The following AP5Z1 variants were observed in gnomAD, a reference collection of about 807,000 sequenced individuals.
AP5Z1 encodes AP-5 complex subunit zeta-1.
A neutral mutation model predicts 83.0 loss-of-function variants in AP5Z1; 106 were observed. The ratio of observed to expected loss-of-function variants is 1.28; its 90% CI spans 1.09 to 1.50. The LOEUF (loss-of-function observed/expected upper bound fraction) is 1.50. Ranked by LOEUF, AP5Z1 falls within the 40% of genes most tolerant of loss-of-function variation. AP5Z1 has a pLI of 0.00. For synonymous variants in AP5Z1, 751 were observed against 514.1 expected (o/e 1.46, Z -6.23); for missense variants, 1,565 against 1,094.2 (o/e 1.43, Z -6.07).
rs757374186 is a variant in AP5Z1, at chr7:4,788,173, G to A, written c.1474G>A (p.Glu492Lys). The A allele has an allele frequency of 1.3e-5, 21 of 1,555,724 alleles. No individual in the cohort carries two copies. Among genetic ancestry groups the A allele is most frequent in the Middle Eastern group, 2.1e-4 (1 of 4,652 alleles). Reference sequence around the variant, plus strand: ...ACGCAGGTCAGCACCGGCTGCATCCGAGAGGCCACTCTGGGACACCTCTCT... The same window carrying A: ...ACGCAGGTCAGCACCGGCTGCATCCAAGAGGCCACTCTGGGACACCTCTCT... ...LQLRSAPAAS[E>K]RPLWDTSLRA... The change falls in exon 12 of 17, where the codon GAG (glutamate) becomes AAG (lysine). Residue 492 changes from glutamate (E) to lysine (K), a missense_variant. Coordinates refer to ENST00000649063, the MANE Select transcript of AP5Z1 (RefSeq NM_014855.3).
rs554060393 is a variant in AP5Z1 at position 4,784,955 on chromosome 7, A to G, written c.838A>G (p.Thr280Ala). ...EGSTLSVISA[T>A]SSAGRLLPPR... ...CTCCACTCTGTCGGTGATCTCCGCC[A>G]CCTCCTCTGCCGGCCGCCTGCTGCC... Residue 280 changes from threonine to alanine, a missense_variant, in exon 7 of 17, where the codon ACC becomes GCC. By Grantham distance (58) the Thr-to-Ala change is moderately conservative (BLOSUM62 0). Coordinates refer to ENST00000649063, the MANE Select transcript of AP5Z1 (RefSeq NM_014855.3). The G allele has an allele frequency of 8.9e-5, 143 of 1,611,652 alleles. No homozygotes were observed. The Admixed American group carries it at 1.1e-3, about 13-fold the overall frequency.
chr7:4,792,359 C>G lies in AP5Z1; in HGVS notation c.*974C>G, dbSNP rs2115134458. The G allele has an allele frequency of 6.7e-6, 1 of 149,708 alleles. No homozygotes were observed. Among genetic ancestry groups the G allele is most frequent in the South Asian group, 2.1e-4 (1 of 4,712 alleles). 9.3% of individuals were successfully genotyped at this position (149,708 alleles called of 1,614,324 possible). ...GGTCTCCTCTTTTGCTCTGGCCCCG[C>G]CCACCTCCCCTCCGGCCTCGGCCCC... On this transcript the variant is annotated 3_prime_UTR_variant, in exon 17 of 17. Transcript: ENST00000649063.
In AP5Z1 at chr7:4,787,315, A is replaced by C. The variant is rs115756912; in HGVS notation, c.1312-319A>C. ...AGACCAGCCTGGGCAACACAGGGAG[A>C]CCTCTTGTCTACAAAAAGTAAACAG... On this transcript the variant is annotated intron_variant, in intron 10 of 16. Coordinates refer to ENST00000649063, the MANE Select transcript of AP5Z1 (RefSeq NM_014855.3). 0.023 allele frequency among the ~76,000 whole-genome samples: 3,506 copies of C among 151,802 alleles called. 137 individuals carry two copies. Among genetic ancestry groups the C allele is most frequent in the African/African-American group, 0.08 (3,307 of 41,384 alleles).
intron 11 of AP5Z1, 105 bp downstream of exon 11, chr7:4,787,881 C>CG (rs1781603421): frequency 7.3e-7 from 1 of 1,363,756 alleles, no homozygotes; most frequent in Non-Finnish European, 9.8e-7. Flanking sequence ...GACCCTCCTT[C>CG]TTCCCCCCCC....
At chr7:4,781,832 C>T (rs1404387051) in intron 3 of AP5Z1, 78 bp downstream of exon 3, 1 of 1,423,670 alleles carries the variant, frequency 7.0e-7, no homozygotes. Flanking sequence ...AGCAGGGGCG[C>T]CAGAGCCGGC....
chr7:4,790,793 TCTG>T lies in AP5Z1; in HGVS notation c.2064_2066del (p.Ala689del). 6.2e-7 allele frequency: 1 copy of T among 1,609,244 alleles called. No homozygotes were observed. The highest frequency in any genetic ancestry group is 1.1e-5 in the South Asian group (1 of 90,192). On this transcript the variant is annotated inframe_deletion, in exon 16 of 17. Transcript: ENST00000649063. The stretch of plus-strand genomic sequence containing the variant: ...ATTCGAGGTCACCCAGTGCCGCCCC[TCTG>T]CTGCCCTGCCCAGGTGTCCCCCCCA...
chr7:4,775,821 G>A, intron 1 of AP5Z1, 65 bp downstream of exon 1: 2 of 1,575,390 alleles, frequency 1.3e-6, no homozygotes, highest in Non-Finnish European at 1.7e-6. Flanking sequence ...ACGGGGGTGG[G>A]TCTCACAGGG....
chr7:4,788,495 C>T (rs1427708434), intron 12 of AP5Z1: 3 of 646,192 alleles, frequency 4.6e-6, no homozygotes, highest in Non-Finnish European at 7.4e-6. Context: ...TCTCAGCTCT[C>T]TCTGCTGCCC....
In AP5Z1 at chr7:4,794,225, C is replaced by T. The variant is rs1018836629; in HGVS notation, c.*2840C>T. 2 of 152,230 alleles carry T rather than the reference C, an allele frequency of 1.3e-5. No individual in the cohort carries two copies. Among genetic ancestry groups the T allele is most frequent in the Non-Finnish European group, 2.9e-5 (2 of 68,080 alleles). 9.4% of individuals were successfully genotyped at this position (152,230 alleles called of 1,614,324 possible). ...GCTCAGGGATTGTAAACGCACCAAT[C>T]AGCACCCTGTCAAAACAGACCACTC... is the stretch of plus-strand genomic sequence containing the variant. On this transcript the variant is annotated 3_prime_UTR_variant, in exon 17 of 17. Coordinates refer to ENST00000649063, the MANE Select transcript of AP5Z1 (RefSeq NM_014855.3).
chr7:4,781,764 C>G lies in AP5Z1; in HGVS notation c.366+10C>G. ...CGTTCTCTTGGCCCAGGTAGCGCAG[C>G]AGTCACCACCCCAGTTGGCACCGGA... On this transcript the variant is annotated intron_variant, in intron 3 of 16. Coordinates refer to ENST00000649063, the MANE Select transcript of AP5Z1 (RefSeq NM_014855.3). The G allele has an allele frequency of 1.9e-6, 3 of 1,544,114 alleles. No homozygotes were observed. The highest frequency in any genetic ancestry group is 2.6e-6 in the Non-Finnish European group (3 of 1,136,844).
chr7:4,790,068 C>T (rs2115126744), intron 14 of AP5Z1, 139 bp downstream of exon 14: 12 of 1,223,154 alleles, frequency 9.8e-6, no homozygotes, highest in African/African-American at 1.7e-5. Context: ...CCTGCCACCC[C>T]CACCCACAGC....
chr7:4,782,607 A>T (rs1327783626), intron 3 of AP5Z1, among the ~76,000 whole-genome samples: 1 of 151,876 alleles, frequency 6.6e-6, no homozygotes, highest in Non-Finnish European at 1.5e-5. Flanking sequence ...AGGGCGTTGT[A>T]CTTCATCACT....
At position 4,791,743 on chromosome 7, in the gene AP5Z1, TCTC is replaced by T. The variant is rs752113263; in HGVS notation, c.*361_*363del. 144 of 323,024 alleles carry T rather than the reference TCTC, an allele frequency of 4.5e-4. No individual in the cohort carries two copies. The highest frequency in any genetic ancestry group is 7.3e-4 in the Non-Finnish European group (127 of 174,226). 20.0% of individuals were successfully genotyped at this position (323,024 alleles called of 1,614,324 possible). ...CAAGAAGAGCTGCAGTAAAAGTAAA[TCTC>T]CTTTAATAAGCGTCTGTATGAAGAG... On this transcript the variant is annotated 3_prime_UTR_variant, in exon 17 of 17. Coordinates refer to ENST00000649063, the MANE Select transcript of AP5Z1 (RefSeq NM_014855.3).
intron 7 of AP5Z1, 111 bp from the exon 8 acceptor site, chr7:4,785,304 C>T: frequency 7.0e-7 from 1 of 1,433,482 alleles, no homozygotes; most frequent in South Asian, 1.4e-5. Context: ...GGGGGCCTGT[C>T]CCACCCCCCT....
intron 7 of AP5Z1, 54 bp from the exon 8 acceptor site, chr7:4,785,361 T>C (rs370994126): frequency 3.6e-5 from 57 of 1,587,356 alleles, no homozygotes; most frequent in East Asian, 1.6e-4. Context: ...TGCCCCCTCA[T>C]TGGGCCACTC....
intron 12 of AP5Z1, 98 bp from the exon 13 acceptor site, chr7:4,788,742 G>T: frequency 9.2e-7 from 1 of 1,083,950 alleles, no homozygotes; most frequent in African/African-American, 1.6e-5. Flanking sequence ...GATGGGAGCG[G>T]GCTCAGCTGT....
In AP5Z1 at chr7:4,790,873, A is replaced by G; in HGVS notation, c.2139A>G (p.Gln713=). The change falls in exon 16 of 17, where the codon CAA becomes CAG. Residue 713 remains glutamine (Q), a synonymous_variant. Coordinates refer to ENST00000649063, the MANE Select transcript of AP5Z1 (RefSeq NM_014855.3). ...TTLTKLASRS[Q]DLIPRASLLL... is the part of the protein sequence containing the mutation. ...TGACGAAGCTGGCCTCCCGGAGCCAAGATCTGATCCCCAGGTGCCTGGTCA... is the reference window on the plus strand; with the variant it reads ...TGACGAAGCTGGCCTCCCGGAGCCAGGATCTGATCCCCAGGTGCCTGGTCA... 6.2e-7 allele frequency: 1 copy of G among 1,603,920 alleles called. No individual in the cohort carries two copies. The highest frequency in any genetic ancestry group is 8.5e-7 in the Non-Finnish European group (1 of 1,176,270).
In AP5Z1 at chr7:4,781,648, C is replaced by T. The variant is rs372503246; in HGVS notation, c.260C>T (p.Ala87Val). Residue 87 changes from alanine to valine, a missense_variant, in exon 3 of 17, where the codon GCC becomes GTC. Ala to Val is a moderately conservative substitution (Grantham distance 64). Transcript: ENST00000649063. ...CCCGAGCAGCTCCAGGTGCTTTGCG[C>T]CGCCATCCTGCGAGAGATGTCCCCC... The part of the protein sequence containing the change: ...ACPEQLQVLC[A>V]AILREMSPSD... The T allele has an allele frequency of 1.1e-5, 18 of 1,606,194 alleles. No individual in the cohort carries two copies. Among genetic ancestry groups the T allele is most frequent in the Non-Finnish European group, 1.4e-5 (17 of 1,174,522 alleles).
chr7:4,790,130 C>A, intron 14 of AP5Z1: 1 of 1,431,580 alleles, frequency 7.0e-7, no homozygotes. Flanking sequence ...CATTCCCGTC[C>A]TTCTTTCTGC....
Sources: gnomAD v4.1 joint callset for allele counts (sites outside exome capture counted in the v4.1 genomes callset) on GRCh38, gnomAD v4.1.1 for gene constraint, MANE v1.5 for transcripts, NCBI Gene and HGNC (gene_info 2026-07-23, HGNC 2026-07-21) for gene names.